KCNJ15: variants seen among roughly 807,000 people sequenced by gnomAD.
KCNJ15 encodes ATP-sensitive inward rectifier potassium channel 15.
Under a neutral mutation model 23.0 loss-of-function variants are expected in KCNJ15, and 14 were observed. The observed-to-expected ratio is 0.61, with a 90% confidence interval of 0.40 to 0.95. The LOEUF is 0.95. Ranked by LOEUF, KCNJ15 falls within the 40% of genes least tolerant of loss-of-function variation. The probability of loss-of-function intolerance (pLI) is 0.00; values close to 1 mark genes in which losing one functional copy is unlikely to be tolerated. For synonymous variants in KCNJ15, 185 were observed against 183.2 expected (o/e 1.01, Z -0.08); for missense variants, 388 against 461.8 (o/e 0.84, Z 1.46).
upstream of KCNJ15, among the ~76,000 whole-genome samples, chr21:38,252,735 G>A (rs1979922222): frequency 6.6e-6 from 1 of 152,136 alleles, no homozygotes. Flanking sequence ...CAATGATTAG[G>A]GGTAGTAATA....
chr21:38,243,562 C>T lies in KCNJ15; in HGVS notation c.-398-13484C>T, dbSNP rs374521955. The stretch of plus-strand genomic sequence containing the variant: ...TCAGCCTCCCAAGTAGCTGGGATTA[C>T]AGGAGCCTGCCACCATGCCCTGCTA... On this transcript the variant is annotated intron_variant, in intron 1 of 4. Transcript: ENST00000547341. Among the ~76,000 whole-genome samples, 858 of 152,286 alleles carry T rather than the reference C, an allele frequency of 5.6e-3. 4 individuals carry two copies. Among genetic ancestry groups the T allele is most frequent in the Non-Finnish European group, 9.7e-3 (663 of 68,026 alleles).
chr21:38,278,522 A>G (rs1415026994), intron 1 of KCNJ15, among the ~76,000 whole-genome samples: 6 of 152,202 alleles, frequency 3.9e-5, no homozygotes, highest in African/African-American at 1.2e-4. Context: ...CATTATTATA[A>G]TTAAATATAC....
intron 1 of KCNJ15, among the ~76,000 whole-genome samples, chr21:38,268,280 G>A (rs983959921): frequency 2.0e-5 from 3 of 151,992 alleles, no homozygotes; most frequent in African/African-American, 4.8e-5. Context: ...CAGAACAATC[G>A]GTTGCCACTG....
chr21:38,251,952 G>A (rs962486717), upstream of KCNJ15, among the ~76,000 whole-genome samples: 4 of 152,176 alleles, frequency 2.6e-5, no homozygotes, highest in African/African-American at 4.8e-5. Flanking sequence ...GAGGAGGAAC[G>A]CTTTGTGTTG....
intron 1 of KCNJ15, among the ~76,000 whole-genome samples, chr21:38,242,522 C>T (rs1165105082): frequency 2.0e-5 from 3 of 152,140 alleles, no homozygotes; most frequent in African/African-American, 7.2e-5. Flanking sequence ...AACATTGGAA[C>T]CATTTTAAAT....
chr21:38,256,197 C>G (rs7279737), upstream of KCNJ15, among the ~76,000 whole-genome samples: 114,475 of 151,202 alleles, frequency 0.76, 43,913 homozygotes, highest in African/African-American at 0.88. Context: ...GCCTCTGCTT[C>G]CAGAGATCTT....
intron 1 of KCNJ15, among the ~76,000 whole-genome samples, chr21:38,241,819 A>C (rs1261320290): frequency 6.6e-6 from 1 of 152,056 alleles, no homozygotes; most frequent in Admixed American, 6.5e-5. Flanking sequence ...TACAAAAAAA[A>C]TTAGCTGGAC....
At chr21:38,244,066 T>C (rs1287607007) in intron 1 of KCNJ15, among the ~76,000 whole-genome samples, 1 of 152,232 alleles carries the variant, frequency 6.6e-6, no homozygotes, top group African/African-American at 2.4e-5. Context: ...TTTTAGATTA[T>C]ATAAGGCTTG....
intron 1 of KCNJ15, among the ~76,000 whole-genome samples, chr21:38,281,604 A>G (rs900124493): frequency 1.3e-5 from 2 of 152,154 alleles, no homozygotes; most frequent in Non-Finnish European, 2.9e-5. Flanking sequence ...ACATGATTTA[A>G]TTCTTTTTTA....
At chr21:38,279,273 G>T (rs985293429) in intron 1 of KCNJ15, among the ~76,000 whole-genome samples, 1 of 152,128 alleles carries the variant, frequency 6.6e-6, no homozygotes, top group Non-Finnish European at 1.5e-5. Context: ...ACACACAGTT[G>T]ACTGTTGTTC....
intron 1 of KCNJ15, among the ~76,000 whole-genome samples, chr21:38,230,462 T>G (rs1204058898): frequency 6.6e-6 from 1 of 152,212 alleles, no homozygotes; most frequent in Non-Finnish European, 1.5e-5. Flanking sequence ...GCAAATATTT[T>G]CTCCCCTTCT....
At chr21:38,248,562 G>A (rs1979609175) in intron 1 of KCNJ15, among the ~76,000 whole-genome samples, 1 of 152,014 alleles carries the variant, frequency 6.6e-6, no homozygotes, top group African/African-American at 2.4e-5. Flanking sequence ...GCAGCACTTT[G>A]AGGGCATGCA....
In KCNJ15 at chr21:38,299,113, A is replaced by T; in HGVS notation, c.-18-131A>T. On this transcript the variant is annotated intron_variant, in intron 2 of 2. Transcript: ENST00000398938. This position sits in a 1 kb window ranked among gnomAD's most constrained non-coding sequence, Gnocchi z 4.5. ...CCGACCACCTAAGTATAGATCAGTT[A>T]ATCTTGCCTTCAGAATTCTCCTTTC... 4.1e-6 allele frequency: 3 copies of T among 729,892 alleles called. No homozygotes were observed. Among genetic ancestry groups the T allele is most frequent in the South Asian group, 3.7e-5 (2 of 54,278 alleles). The allele number at this position is 729,892 out of a possible 1,614,324, so 45.2% of individuals were successfully genotyped here. A position where few individuals can be genotyped will look rare whatever the true frequency, so the allele number is the denominator to read the frequency against.
At chr21:38,266,698 G>T (rs1981501955) in intron 1 of KCNJ15, among the ~76,000 whole-genome samples, 1 of 152,150 alleles carries the variant, frequency 6.6e-6, no homozygotes, top group Non-Finnish European at 1.5e-5. Context: ...GGGTCAAATG[G>T]TATTTCTGGT....
intron 1 of KCNJ15, among the ~76,000 whole-genome samples, chr21:38,292,102 GT>G (rs777916167): frequency 6.6e-6 from 1 of 152,184 alleles, no homozygotes; most frequent in Non-Finnish European, 1.5e-5. Context: ...GATGATGGTG[GT>G]TAGATAGGAG....
rs1283428276 is a variant in KCNJ15 at position 38,304,438 on chromosome 21, G to A, written c.*4049G>A. 6.6e-6 allele frequency: 1 copy of A among 151,800 alleles called. No individual in the cohort carries two copies. Among genetic ancestry groups the A allele is most frequent in the East Asian group, 1.9e-4 (1 of 5,148 alleles). The allele number at this position is 151,800 out of a possible 1,614,324, so 9.4% of individuals were successfully genotyped here. A position where few individuals can be genotyped will look rare whatever the true frequency, so the allele number is the denominator to read the frequency against. ...TAGTTTTATCATAGCTTTCCATGAT[G>A]TAATTTTTTAAGCGAAAGGTACTAA... On this transcript the variant is annotated 3_prime_UTR_variant, in exon 3 of 3. Transcript: ENST00000398938.
At chr21:38,255,043 A>G (rs1180182458), upstream of KCNJ15, among the ~76,000 whole-genome samples, 2 of 152,222 alleles carry the variant, frequency 1.3e-5, no homozygotes, top group Non-Finnish European at 2.9e-5. Context: ...TGAATAAGAC[A>G]GGTACCATTG....
At position 38,259,245 on chromosome 21, in the gene KCNJ15, A is replaced by G. The variant is rs377688491; in HGVS notation, c.-117+2060A>G. Reference sequence around the variant, plus strand: ...CGAAGTTTTTTGCATACTTTGCCTCAGAGTCCAGGATTGCTTATGAAATGT... The same window carrying G: ...CGAAGTTTTTTGCATACTTTGCCTCGGAGTCCAGGATTGCTTATGAAATGT... On this transcript the variant is annotated intron_variant, in intron 1 of 2. Coordinates refer to ENST00000398938, the MANE Select transcript of KCNJ15 (RefSeq NM_170736.3). Among the ~76,000 whole-genome samples the G allele has an allele frequency of 3.7e-4, 56 of 152,338 alleles. 3 individuals carry two copies. The South Asian group carries it at 0.011, about 29-fold the overall frequency.
At chr21:38,251,226 C>T (rs1341105717) in intron 1 of KCNJ15, among the ~76,000 whole-genome samples, 1 of 152,194 alleles carries the variant, frequency 6.6e-6, no homozygotes, top group Non-Finnish European at 1.5e-5. Flanking sequence ...TTATCATATC[C>T]CTTCTTTGAC....
Sources: gnomAD v4.1 joint callset for allele counts (sites outside exome capture counted in the v4.1 genomes callset) on GRCh38, gnomAD v4.1.1 for gene constraint, Gnocchi (gnomAD v3.1) non-coding constraint, MANE v1.5 for transcripts, NCBI Gene and HGNC (gene_info 2026-07-23, HGNC 2026-07-21) for gene names.